DCAF12: variants seen among roughly 807,000 people sequenced by gnomAD.
DCAF12 encodes DDB1- and CUL4-associated factor 12.
DCAF12 carries 28 observed loss-of-function variants against 52.8 expected under a neutral mutation model. That is an observed-to-expected ratio of 0.53 (90% CI 0.39 to 0.73). The LOEUF is 0.73. DCAF12 is among the 30% of genes least tolerant of loss of function. The pLI is 0.00. For missense variants in DCAF12, 425 were observed against 552.2 expected, an observed-to-expected ratio of 0.77 and a Z score of 2.31; for synonymous variants, 196 against 215.5, an observed-to-expected ratio of 0.91 and a Z score of 0.79.
At chr9:34,126,259 C>T in intron 1 of DCAF12, 95 bp downstream of exon 1, 1 of 1,485,520 alleles carries the variant, frequency 6.7e-7, no homozygotes, top group Non-Finnish European at 9.2e-7. Context: ...TGACTGCAGA[C>T]CCTGGACCCC....
chr9:34,105,568 C>T (rs922046487), intron 4 of DCAF12, among the ~76,000 whole-genome samples: 4 of 152,252 alleles, frequency 2.6e-5, no homozygotes, highest in African/African-American at 9.6e-5. Flanking sequence ...ATCACTTGAG[C>T]CCAAGAGCTC....
In DCAF12 at chr9:34,126,348, C is replaced by A. The variant is rs771763243; in HGVS notation, c.78+6G>T. 8 of 1,612,394 alleles carry A rather than the reference C, an allele frequency of 5.0e-6. No homozygotes were observed. The East Asian group carries it at 1.8e-4, about 36-fold the overall frequency. ...ACCACCCAGGTGCCGGCCTCTCAAC[C>A]CTCACCTGCGGGCCCTGAGCGTCGC... On this transcript the variant is annotated splice_donor_region_variant and intron_variant, in intron 1 of 8. Transcript: ENST00000361264.
chr9:34,098,292 T>C (rs770459296), intron 5 of DCAF12, 32 bp downstream of exon 5: 1 of 1,601,184 alleles, frequency 6.2e-7, no homozygotes, highest in South Asian at 1.1e-5. Flanking sequence ...GCAAGAGGAA[T>C]ACACGTCAGG....
At chr9:34,093,595 C>T in intron 6 of DCAF12, 147 bp from the exon 7 acceptor site, 2 of 787,156 alleles carry the variant, frequency 2.5e-6, no homozygotes, top group South Asian at 1.8e-5. Context: ...CTCTGTTCCA[C>T]CCCTAGGTAT....
intron 6 of DCAF12, 89 bp from the exon 7 acceptor site, chr9:34,093,537 C>T: frequency 7.0e-7 from 1 of 1,422,872 alleles, no homozygotes; most frequent in Non-Finnish European, 9.7e-7. Flanking sequence ...GATGGGCTTC[C>T]CTCATATAAA....
At chr9:34,118,528 C>A (rs543695973) in intron 2 of DCAF12, among the ~76,000 whole-genome samples, 1 of 152,168 alleles carries the variant, frequency 6.6e-6, no homozygotes, top group African/African-American at 2.4e-5. Context: ...GGTTTTTGTT[C>A]CCTGGTGACA....
chr9:34,104,107 A>C (rs184592789), intron 4 of DCAF12, among the ~76,000 whole-genome samples: 16 of 152,022 alleles, frequency 1.1e-4, no homozygotes, highest in African/African-American at 3.9e-4. Flanking sequence ...TGTCTCTACC[A>C]AAAATACAAA....
chr9:34,110,564 G>A (rs565534627), intron 2 of DCAF12, among the ~76,000 whole-genome samples: 7 of 152,190 alleles, frequency 4.6e-5, no homozygotes, highest in East Asian at 1.9e-4. Flanking sequence ...ATGACTCCCC[G>A]TCACCTAAAT....
At chr9:34,090,124 C>T (rs35465638) in intron 7 of DCAF12, 28,653 of 152,416 alleles carry the variant, frequency 0.19, 3,082 homozygotes, top group Non-Finnish European at 0.24. Flanking sequence ...AGTGCAATGG[C>T]GCGATCTTGG....
At chr9:34,094,714 T>G (rs1315263894) in intron 6 of DCAF12, among the ~76,000 whole-genome samples, 3 of 151,716 alleles carry the variant, frequency 2.0e-5, no homozygotes, top group Non-Finnish European at 4.4e-5. Flanking sequence ...GTATTTTTAG[T>G]AGAGACGGGG....
chr9:34,097,508 G>A (rs530918122), intron 5 of DCAF12, among the ~76,000 whole-genome samples: 3 of 151,988 alleles, frequency 2.0e-5, no homozygotes, highest in Non-Finnish European at 2.9e-5. Context: ...TGCCTGCCTC[G>A]GCCTCCGAAA....
At position 34,107,578 on chromosome 9, in the gene DCAF12, A is replaced by G. The variant is rs557527568; in HGVS notation, c.334-13T>C. On this transcript the variant is annotated splice_polypyrimidine_tract_variant and intron_variant, in intron 2 of 8. Coordinates refer to ENST00000361264, the MANE Select transcript of DCAF12 (RefSeq NM_015397.4). Reference sequence around the variant, plus strand: ...CTACGACAAATAGCTACAAGAAAAAATGGATACAGAAGCTGAACATAAATT... The same window carrying G: ...CTACGACAAATAGCTACAAGAAAAAGTGGATACAGAAGCTGAACATAAATT... 15 of 1,613,186 alleles carry G rather than the reference A, an allele frequency of 9.3e-6. No homozygotes were observed. The highest frequency in any genetic ancestry group is 4.5e-5 in the East Asian group (2 of 44,870).
chr9:34,100,568 C>T (rs1032611500), intron 4 of DCAF12, among the ~76,000 whole-genome samples: 1 of 151,148 alleles, frequency 6.6e-6, no homozygotes, highest in Admixed American at 6.6e-5. Flanking sequence ...AATCTCAGCT[C>T]ATCCCAACCT....
chr9:34,092,061 A>C (rs1458000495), intron 7 of DCAF12, among the ~76,000 whole-genome samples: 2 of 152,218 alleles, frequency 1.3e-5, no homozygotes, highest in Admixed American at 1.3e-4. Context: ...CTCTTCAATA[A>C]AGAATGAGGG....
At position 34,125,014 on chromosome 9, in the gene DCAF12, G is replaced by A. The variant is rs1463584569; in HGVS notation, c.333+9C>T. On this transcript the variant is annotated intron_variant, in intron 2 of 8. Coordinates refer to ENST00000361264, the MANE Select transcript of DCAF12 (RefSeq NM_015397.4). Reference sequence around the variant, plus strand: ...CTAGGAGAGAGGTCACATCCCCCCAGGCACTTACCGTGTTGCATTTTGTGC... The same window carrying A: ...CTAGGAGAGAGGTCACATCCCCCCAAGCACTTACCGTGTTGCATTTTGTGC... 1 of 1,612,322 alleles carries A rather than the reference G, an allele frequency of 6.2e-7. No homozygotes were observed. The highest frequency in any genetic ancestry group is 8.5e-7 in the Non-Finnish European group (1 of 1,179,906).
In DCAF12 at chr9:34,086,970, G is replaced by A. The variant is rs891228332; in HGVS notation, c.*1380C>T. 3 of 152,228 alleles carry A rather than the reference G, an allele frequency of 2.0e-5. No individual in the cohort carries two copies. The East Asian group carries it at 5.8e-4, about 29-fold the overall frequency. 9.4% of individuals were successfully genotyped at this position (152,228 alleles called of 1,614,324 possible). A position where few individuals can be genotyped will look rare whatever the true frequency, so the allele number is the denominator to read the frequency against. ...TTAGAGGAACTGGTGGGTGGGAACA[G>A]CTGTTATCTTTGACATGATGTGTAA... On this transcript the variant is annotated 3_prime_UTR_variant, in exon 9 of 9. Coordinates refer to ENST00000361264, the MANE Select transcript of DCAF12 (RefSeq NM_015397.4).
chr9:34,086,892 A>G lies in DCAF12; in HGVS notation c.*1458T>C, dbSNP rs1828565067. The G allele has an allele frequency of 6.6e-6, 1 of 152,214 alleles. No individual in the cohort carries two copies. The highest frequency in any genetic ancestry group is 1.5e-5 in the Non-Finnish European group (1 of 68,050). 9.4% of individuals were successfully genotyped at this position (152,214 alleles called of 1,614,324 possible). A position where few individuals can be genotyped will look rare whatever the true frequency, so the allele number is the denominator to read the frequency against. ...AAAAAACTGGGGTGCAGGAATAAAT[A>G]TGACTTTTCCTTTCCCCAAAATGGG... On this transcript the variant is annotated 3_prime_UTR_variant, in exon 9 of 9. Transcript: ENST00000361264.
chr9:34,096,647 G>A (rs1306343284), intron 6 of DCAF12, 69 bp downstream of exon 6: 14 of 1,368,348 alleles, frequency 1.0e-5, no homozygotes, highest in Non-Finnish European at 1.4e-5. Context: ...AAAAAGCTCA[G>A]CTAGAATTAC....
intron 2 of DCAF12, among the ~76,000 whole-genome samples, chr9:34,123,162 T>G (rs1829200430): frequency 6.6e-6 from 1 of 152,234 alleles, no homozygotes; most frequent in South Asian, 2.1e-4. Flanking sequence ...GTTTGATTGT[T>G]AGCCCACAGC....
Sources: allele counts gnomAD v4.1 joint callset (sites outside exome capture counted in the v4.1 genomes callset), GRCh38; gene constraint gnomAD v4.1.1; transcripts MANE v1.5; gene names NCBI Gene and HGNC (gene_info 2026-07-23, HGNC 2026-07-21).